The following ELAPOR2 variants were observed in gnomAD, a reference collection of about 807,000 sequenced individuals.
ELAPOR2 encodes endosome-lysosome associated apoptosis and autophagy regulator family member 2.
Under a neutral mutation model 120.7 loss-of-function variants are expected in ELAPOR2, and 89 were observed. That is an observed-to-expected ratio of 0.74 (90% CI 0.62 to 0.88). The LOEUF is 0.88. Among genes scored for constraint, ELAPOR2 ranks in the 40% least tolerant of loss-of-function variants. The probability of loss-of-function intolerance (pLI) is 0.00; values close to 1 mark genes in which losing one functional copy is unlikely to be tolerated. For missense variants in ELAPOR2, 1,134 were observed against 1,251.6 expected, an observed-to-expected ratio of 0.91 and a Z score of 1.42; for synonymous variants, 444 against 444.9, an observed-to-expected ratio of 1.00 and a Z score of 0.03.
chr7:87,041,992 C>T (rs984990020), intron 1 of ELAPOR2, among the ~76,000 whole-genome samples: 2 of 151,344 alleles, frequency 1.3e-5, no homozygotes, highest in Non-Finnish European at 2.9e-5. Context: ...TTTAAACCAA[C>T]AAAGATCAAA....
At chr7:86,985,529 G>C (rs1458878251) in intron 1 of ELAPOR2, among the ~76,000 whole-genome samples, 1 of 152,184 alleles carries the variant, frequency 6.6e-6, no homozygotes, top group East Asian at 1.9e-4. Context: ...TGCAAGGCTG[G>C]TTCAACATAC....
chr7:87,016,726 CTGTAA>C (rs1443240725), intron 1 of ELAPOR2, among the ~76,000 whole-genome samples: 3 of 150,648 alleles, frequency 2.0e-5, no homozygotes, highest in Non-Finnish European at 1.5e-5. Context: ...CTCTCTATAC[CTGTAA>C]TCTCGCCCAG....
chr7:87,050,377 C>T (rs10429051), intron 1 of ELAPOR2, among the ~76,000 whole-genome samples: 86,019 of 151,778 alleles, frequency 0.57, 25,068 homozygotes, highest in East Asian at 0.76. Flanking sequence ...CTCAGGAGAT[C>T]GAGATCTGGT....
intron 1 of ELAPOR2, among the ~76,000 whole-genome samples, chr7:87,039,923 C>G (rs146065871): frequency 6.6e-6 from 1 of 151,708 alleles, no homozygotes; most frequent in African/African-American, 2.4e-5. Context: ...GCACCGTGCA[C>G]GAGCCAAAGC....
intron 2 of ELAPOR2, among the ~76,000 whole-genome samples, chr7:86,964,509 A>C (rs2116480681): frequency 6.6e-6 from 1 of 152,286 alleles, no homozygotes; most frequent in South Asian, 2.1e-4. Flanking sequence ...ATAGTAAACA[A>C]TATGAATATA....
In ELAPOR2 at chr7:86,891,765, T is replaced by C. The variant is rs1788167763; in HGVS notation, c.2989A>G (p.Lys997Glu). Reference protein sequence around the residue: ...DNEEEVVYSNKQSLLGKLKSL... With the variant: ...DNEEEVVYSNEQSLLGKLKSL... Reference sequence around the variant, plus strand: ...TTGAGTTTTCCTAGTAGTGACTGTTTATTGGAATATACAACTTCCTCTTCA... The same window carrying C: ...TTGAGTTTTCCTAGTAGTGACTGTTCATTGGAATATACAACTTCCTCTTCA... The change falls in exon 21 of 22, where the codon AAA (lysine) becomes GAA (glutamate). Residue 997 changes from lysine to glutamate, a missense_variant. Lys to Glu is a moderately conservative substitution (Grantham distance 56). Around this residue, in one of 3 missense-constraint regions of ELAPOR2, gnomAD observed 831 missense variants for 867.6 expected, o/e 0.96. Transcript: ENST00000450689. The C allele has an allele frequency of 1.4e-5, 22 of 1,612,088 alleles. No individual in the cohort carries two copies. The highest frequency in any genetic ancestry group is 1.9e-5 in the Non-Finnish European group (22 of 1,178,862).
chr7:87,024,324 T>C (rs1051562447), intron 1 of ELAPOR2, among the ~76,000 whole-genome samples: 1 of 152,214 alleles, frequency 6.6e-6, no homozygotes, highest in Non-Finnish European at 1.5e-5. Flanking sequence ...GAGATAGTCA[T>C]GTGGTTTTCG....
intron 1 of ELAPOR2, among the ~76,000 whole-genome samples, chr7:86,982,821 T>C (rs1464277821): frequency 6.6e-6 from 1 of 152,184 alleles, no homozygotes; most frequent in Non-Finnish European, 1.5e-5. Flanking sequence ...AGAATAAATC[T>C]GGAGGGAGAC....
chr7:86,928,532 T>C (rs1182451861), intron 8 of ELAPOR2, among the ~76,000 whole-genome samples: 1 of 151,956 alleles, frequency 6.6e-6, no homozygotes, highest in Admixed American at 6.6e-5. Context: ...CTGTACTATG[T>C]AATCTTCTTA....
At chr7:87,006,171 T>A (rs1793463091) in intron 1 of ELAPOR2, among the ~76,000 whole-genome samples, 1 of 152,130 alleles carries the variant, frequency 6.6e-6, no homozygotes, top group Non-Finnish European at 1.5e-5. Context: ...TTTTAGAATT[T>A]AGAATCAGCA....
In ELAPOR2 at chr7:86,914,795, G is replaced by A; in HGVS notation, c.1659C>T (p.Tyr553=). The A allele has an allele frequency of 6.2e-7, 1 of 1,612,436 alleles. No homozygotes were observed. The highest frequency in any genetic ancestry group is 8.5e-7 in the Non-Finnish European group (1 of 1,178,904). ...TTGCATTCTTGAAGATGATATGGGT[G>A]TAAGCTTGTTTTTCTTTGGTTCCAC... ...SWGGTKEKQA[Y]THIIFKNATF... The change falls in exon 13 of 22, where the codon TAC becomes TAT. Residue 553 remains tyrosine (Y), a synonymous_variant. Transcript: ENST00000450689.
chr7:87,055,587 C>T (rs71562739), intron 1 of ELAPOR2, among the ~76,000 whole-genome samples: 3 of 151,962 alleles, frequency 2.0e-5, no homozygotes, highest in African/African-American at 7.3e-5. Context: ...CTAGCCTACA[C>T]TCACATCTGA....
intron 18 of ELAPOR2, among the ~76,000 whole-genome samples, chr7:86,899,829 C>G (rs1040570426): frequency 4.6e-5 from 7 of 151,172 alleles, no homozygotes; most frequent in Non-Finnish European, 5.9e-5. Context: ...TGGTTTAATT[C>G]TTATCTGCCT....
chr7:86,887,996 G>T (rs766315445), intron 21 of ELAPOR2, among the ~76,000 whole-genome samples: 1 of 152,102 alleles, frequency 6.6e-6, no homozygotes, highest in African/African-American at 2.4e-5. Context: ...TACTCCAACA[G>T]TAACCTCAGG....
At chr7:86,987,241 C>A (rs904062386) in intron 1 of ELAPOR2, among the ~76,000 whole-genome samples, 2 of 152,084 alleles carry the variant, frequency 1.3e-5, no homozygotes, top group East Asian at 1.9e-4. Flanking sequence ...ACCATAAAAA[C>A]CCTAGAAGAA....
chr7:86,965,166 C>A, intron 1 of ELAPOR2, 142 bp from the exon 2 acceptor site: 2 of 778,048 alleles, frequency 2.6e-6, no homozygotes, highest in East Asian at 2.7e-5. Context: ...CCACACCAAG[C>A]AGCTTATTGA....
intron 12 of ELAPOR2, 32 bp from the exon 13 acceptor site, chr7:86,914,892 A>G: frequency 6.4e-7 from 1 of 1,559,150 alleles, no homozygotes; most frequent in Non-Finnish European, 8.8e-7. Flanking sequence ...ATATTCAAAT[A>G]AAGCACAAAC....
At chr7:87,017,366 G>T (rs1793903600) in intron 1 of ELAPOR2, among the ~76,000 whole-genome samples, 1 of 152,156 alleles carries the variant, frequency 6.6e-6, no homozygotes, top group African/African-American at 2.4e-5. Context: ...AATATATTTT[G>T]ATATATCCAC....
chr7:87,052,447 G>A (rs764926584), intron 1 of ELAPOR2, among the ~76,000 whole-genome samples: 4 of 152,132 alleles, frequency 2.6e-5, no homozygotes, highest in Non-Finnish European at 4.4e-5. Flanking sequence ...CACAACACAT[G>A]GGAATTCAAG....
Sources: gnomAD v4.1 joint callset for allele counts (sites outside exome capture counted in the v4.1 genomes callset) on GRCh38, gnomAD v4.1.1 for gene constraint, gnomAD v4.1.1 regional missense constraint, MANE v1.5 for transcripts, NCBI Gene and HGNC (gene_info 2026-07-23, HGNC 2026-07-21) for gene names.